CYB5R4: variants seen among roughly 807,000 people sequenced by gnomAD.
CYB5R4 encodes N-terminal cytochrome b5 and cytochrome b5 oxidoreductase domain-containing protein.
Under a neutral mutation model 70.2 loss-of-function variants are expected in CYB5R4, and 55 were observed. The observed-to-expected ratio is 0.78, with a 90% CI of 0.63 to 0.98. The LOEUF (loss-of-function observed/expected upper bound fraction) is 0.98, where lower values mean the gene tolerates loss of function less well. CYB5R4 is among the 50% of genes least tolerant of loss of function. CYB5R4 has a pLI of 0.00. For missense variants in CYB5R4, 562 were observed against 612.6 expected, an observed-to-expected ratio of 0.92 and a Z score of 0.87; for synonymous variants, 197 against 199.5, an observed-to-expected ratio of 0.99 and a Z score of 0.11.
In CYB5R4 at chr6:83,955,442, A is replaced by G. The variant is rs762185760; in HGVS notation, c.1491A>G (p.Pro497=). Residue 497 remains proline (P), a synonymous_variant, in exon 15 of 16, where the codon CCA becomes CCG. Transcript: ENST00000369681. ...KVLVCICGPV[P]FTEQGVRLLH... is the part of the protein sequence containing the mutation. ...TCGTCTGCATTTGTGGACCAGTGCC[A>G]TTTACAGAACAAGGAGTAAGGTGAG... is the stretch of plus-strand genomic sequence containing the variant. The G allele has an allele frequency of 1.4e-5, 22 of 1,613,708 alleles. No homozygotes were observed. Among genetic ancestry groups the G allele is most frequent in the Middle Eastern group, 1.6e-4 (1 of 6,078 alleles).
intron 2 of CYB5R4, among the ~76,000 whole-genome samples, chr6:83,866,630 A>G (rs1430565003): frequency 6.6e-6 from 1 of 150,762 alleles, no homozygotes; most frequent in Admixed American, 6.6e-5. Flanking sequence ...TTTTTTTTAT[A>G]AAGGAGACAG....
At chr6:83,959,193 A>G (rs1418273648) in intron 15 of CYB5R4, among the ~76,000 whole-genome samples, 2 of 152,208 alleles carry the variant, frequency 1.3e-5, no homozygotes, top group African/African-American at 4.8e-5. Context: ...GCAGTGCTTA[A>G]TGAACTAATG....
At chr6:83,941,948 TG>T (rs1182276608) in intron 14 of CYB5R4, among the ~76,000 whole-genome samples, 1 of 152,172 alleles carries the variant, frequency 6.6e-6, no homozygotes, top group African/African-American at 2.4e-5. Flanking sequence ...TACTTACCTC[TG>T]GGGGCCTCTT....
At position 83,864,196 on chromosome 6, in the gene CYB5R4, A is replaced by G; in HGVS notation, c.97A>G (p.Ser33Gly). 6.2e-7 allele frequency: 1 copy of G among 1,606,450 alleles called. No individual in the cohort carries two copies. Among genetic ancestry groups the G allele is most frequent in the Non-Finnish European group, 8.5e-7 (1 of 1,177,272 alleles). The change falls in exon 2 of 16, where the codon AGC becomes GGC. Residue 33 changes from serine (S) to glycine (G), a missense_variant. By Grantham distance (56) the Ser-to-Gly change is moderately conservative. Coordinates refer to ENST00000369681, the MANE Select transcript of CYB5R4 (RefSeq NM_016230.4). ...RSKVPLKQGR[S>G]LMDWIRLTKS... ...TTAGGTACCTTTAAAACAGGGCAGA[A>G]GCCTTATGGATTGGATTCGACTGAC...
At position 83,936,286 on chromosome 6, in the gene CYB5R4, C is replaced by A. The variant is rs140038235; in HGVS notation, c.1018C>A (p.Pro340Thr). The change falls in exon 12 of 16, where the codon CCA becomes ACA. Residue 340 changes from proline to threonine, a missense_variant. Transcript: ENST00000369681. ...TTCCTTACTCTCAGAGTTCAAGGAA[C>A]CAGTTCTTCCCAACAATAAATACAT... is the stretch of plus-strand genomic sequence containing the variant. ...SGSLLSEFKE[P>T]VLPNNKYIYF... 1.6e-5 allele frequency: 25 copies of A among 1,611,108 alleles called. No homozygotes were observed. In the African/African-American group the frequency reaches 2.7e-4, roughly 17 times the overall value.
intron 3 of CYB5R4, among the ~76,000 whole-genome samples, chr6:83,905,972 G>A (rs1366946626): frequency 6.6e-6 from 1 of 152,166 alleles, no homozygotes; most frequent in African/African-American, 2.4e-5. Context: ...TCAGGTGCCA[G>A]TGTGTTGGAC....
chr6:83,878,449 G>A (rs375304449), intron 2 of CYB5R4, among the ~76,000 whole-genome samples: 60 of 152,016 alleles, frequency 3.9e-4, no homozygotes, highest in African/African-American at 1.4e-3. Flanking sequence ...CCGGGTTCAC[G>A]CCATTCTTCT....
intron 15 of CYB5R4, among the ~76,000 whole-genome samples, chr6:83,955,679 A>C (rs2099472211): frequency 1.3e-5 from 2 of 152,358 alleles, no homozygotes; most frequent in African/African-American, 4.8e-5. Flanking sequence ...TACAGCCAGC[A>C]GTCAGTGTTC....
intron 2 of CYB5R4, among the ~76,000 whole-genome samples, chr6:83,878,682 A>C (rs1305231990): frequency 6.6e-6 from 1 of 152,210 alleles, no homozygotes; most frequent in African/African-American, 2.4e-5. Context: ...CACACATTAC[A>C]TATAGAAGAA....
intron 3 of CYB5R4, among the ~76,000 whole-genome samples, chr6:83,898,574 T>C (rs2099462324): frequency 6.6e-6 from 1 of 152,350 alleles, no homozygotes; most frequent in South Asian, 2.1e-4. Context: ...ATTTTCACGA[T>C]ATTGATTCTT....
At chr6:83,954,931 A>T (rs2099472102) in intron 14 of CYB5R4, among the ~76,000 whole-genome samples, 1 of 149,992 alleles carries the variant, frequency 6.7e-6, no homozygotes. Flanking sequence ...TTTTTTGTAG[A>T]AACTAGGTCT....
Position 83,924,600 on chromosome 6 carries a change from G to C in CYB5R4, c.814+8G>C. 7 of 1,609,712 alleles carry C rather than the reference G, an allele frequency of 4.3e-6. No homozygotes were observed. Among genetic ancestry groups the C allele is most frequent in the Non-Finnish European group, 5.9e-6 (7 of 1,178,174 alleles). On this transcript the variant is annotated splice_region_variant and intron_variant, in intron 10 of 15. Transcript: ENST00000369681. Reference sequence around the variant, plus strand: ...TTCCAAGGAAAGATACAGGTATGCTGTGTTCTTTTGTTACGTTAATTTCAC... The same window carrying C: ...TTCCAAGGAAAGATACAGGTATGCTCTGTTCTTTTGTTACGTTAATTTCAC...
intron 2 of CYB5R4, among the ~76,000 whole-genome samples, chr6:83,880,890 A>C (rs1156287184): frequency 6.6e-6 from 1 of 152,200 alleles, no homozygotes; most frequent in Non-Finnish European, 1.5e-5. Context: ...AGAATCCTAC[A>C]GTCATCTGCA....
intron 7 of CYB5R4, among the ~76,000 whole-genome samples, chr6:83,920,232 A>G (rs745729676): frequency 5.9e-5 from 9 of 152,186 alleles, no homozygotes; most frequent in Admixed American, 1.3e-4. Context: ...TCTGGCAGCT[A>G]GGAATTTTTG....
In CYB5R4 at chr6:83,961,312, C is replaced by G. The variant is rs1330288592; in HGVS notation, c.*1434C>G. On this transcript the variant is annotated 3_prime_UTR_variant, in exon 16 of 16. Transcript: ENST00000369681. ...AACTTTTTCTAGCTTCATGCCTTCC[C>G]CCTACTTATTTTTTTCCATCTAAGG... The G allele has an allele frequency of 1.3e-5, 2 of 152,066 alleles. No homozygotes were observed. The highest frequency in any genetic ancestry group is 1.3e-4 in the Admixed American group (2 of 15,246). 9.4% of individuals were successfully genotyped at this position (152,066 alleles called of 1,614,324 possible). A position where few individuals can be genotyped will look rare whatever the true frequency, so the allele number is the denominator to read the frequency against.
In CYB5R4 at chr6:83,963,097, G is replaced by A. The variant is rs1363605352; in HGVS notation, c.*3219G>A. ...AAAATCTATAATTTTAATTATAGCT[G>A]TAAAGTCCCTTTTCCTATATAATAT... On this transcript the variant is annotated 3_prime_UTR_variant, in exon 16 of 16. Transcript: ENST00000369681. 4.6e-5 allele frequency: 7 copies of A among 152,158 alleles called. No individual in the cohort carries two copies. Among genetic ancestry groups the A allele is most frequent in the South Asian group, 2.1e-4 (1 of 4,832 alleles). 9.4% of individuals were successfully genotyped at this position (152,158 alleles called of 1,614,324 possible).
At chr6:83,914,533 ATTTTTTTCT>A (rs1290415964) in intron 5 of CYB5R4, 85 bp downstream of exon 5, 3 of 1,279,452 alleles carry the variant, frequency 2.3e-6, no homozygotes, top group East Asian at 3.0e-5. Context: ...GGGCATTTAA[ATTTTTTTCT>A]TTTTTTTCTT....
In CYB5R4 at chr6:83,920,932, A is replaced by C. The variant is rs2129139912; in HGVS notation, c.565-150A>C. ...AATTGAAGGAGAAGAACTGGGTTGTAAGAGAAAAACAGAAGTCACATTTGT... is the reference window on the plus strand; with the variant it reads ...AATTGAAGGAGAAGAACTGGGTTGTCAGAGAAAAACAGAAGTCACATTTGT... On this transcript the variant is annotated intron_variant, in intron 7 of 15. Transcript: ENST00000369681. 5.7e-6 allele frequency: 3 copies of C among 522,698 alleles called. No individual in the cohort carries two copies. In the South Asian group the frequency reaches 1.0e-4, roughly 18 times the overall value. The allele number at this position is 522,698 out of a possible 1,614,324, so 32.4% of individuals were successfully genotyped here.
chr6:83,874,696 T>A (rs2099458224), intron 2 of CYB5R4, among the ~76,000 whole-genome samples: 1 of 152,164 alleles, frequency 6.6e-6, no homozygotes, highest in Non-Finnish European at 1.5e-5. Context: ...AACCTGACTC[T>A]GACCCTCCCT....
Sources: gnomAD v4.1 joint callset for allele counts (sites outside exome capture counted in the v4.1 genomes callset) on GRCh38, gnomAD v4.1.1 for gene constraint, MANE v1.5 for transcripts, NCBI Gene and HGNC (gene_info 2026-07-23, HGNC 2026-07-21) for gene names.